The following PCCA variants were observed in gnomAD, a reference collection of about 807,000 sequenced individuals.
The protein encoded by PCCA is propionyl-CoA carboxylase subunit alpha, also known as propionyl-CoA carboxylase alpha chain, mitochondrial.
PCCA carries 74 observed loss-of-function variants against 101.3 expected under a neutral mutation model. The observed-to-expected ratio is 0.73, with a 90% CI of 0.61 to 0.89. PCCA has a LOEUF of 0.89. Ranked by LOEUF, PCCA falls within the 40% of genes least tolerant of loss-of-function variation. The pLI is 0.00. For synonymous variants in PCCA, 294 were observed against 313.6 expected (o/e 0.94, Z 0.66); for missense variants, 891 against 907.0 (o/e 0.98, Z 0.23).
rs1016791209 is a variant in PCCA at position 100,155,107 on chromosome 13, A to G, written c.414+15A>G. 2 of 1,470,366 alleles carry G rather than the reference A, an allele frequency of 1.4e-6. No individual in the cohort carries two copies. Among genetic ancestry groups the G allele is most frequent in the Admixed American group, 1.7e-5 (1 of 59,854 alleles). The allele number at this position is 1,470,366 out of a possible 1,614,324, so 91.1% of individuals were successfully genotyped here. On this transcript the variant is annotated intron_variant, in intron 5 of 23. Coordinates refer to ENST00000376285, the MANE Select transcript of PCCA (RefSeq NM_000282.4). Reference sequence around the variant, plus strand: ...GGGCCCAAGCTGTGAGTCTGAATGAATCTATCTACTGCAGCTGTTTCATAT... The same window carrying G: ...GGGCCCAAGCTGTGAGTCTGAATGAGTCTATCTACTGCAGCTGTTTCATAT...
intron 21 of PCCA, among the ~76,000 whole-genome samples, chr13:100,484,990 G>T (rs906467653): frequency 1.3e-5 from 2 of 152,046 alleles, no homozygotes; most frequent in African/African-American, 4.8e-5. Flanking sequence ...TTTCACACTG[G>T]TTTTGTCTTC....
intron 12 of PCCA, among the ~76,000 whole-genome samples, chr13:100,283,591 A>G (rs1476823199): frequency 6.6e-6 from 1 of 152,234 alleles, no homozygotes; most frequent in African/African-American, 2.4e-5. Flanking sequence ...ATATCAGGAG[A>G]AAGCTCGAAA....
chr13:100,368,854 GA>G (rs1208096305), intron 19 of PCCA, among the ~76,000 whole-genome samples: 30 of 152,314 alleles, frequency 2.0e-4, no homozygotes, highest in African/African-American at 7.2e-4. Flanking sequence ...TTGTTACAGA[GA>G]AGAGCATTTT....
intron 20 of PCCA, among the ~76,000 whole-genome samples, chr13:100,437,135 GT>G (rs2079992014): frequency 6.6e-6 from 1 of 152,068 alleles, no homozygotes; most frequent in African/African-American, 2.4e-5. Context: ...GCTATTCCTG[GT>G]TTTCTCTTTC....
intron 18 of PCCA, among the ~76,000 whole-genome samples, chr13:100,342,043 GCATAATTAGAGT>G (rs2071450562): frequency 7.0e-6 from 1 of 142,264 alleles, no homozygotes; most frequent in South Asian, 2.2e-4. Flanking sequence ...TTTATACTTT[GCATAATTAGAGT>G]CATAAACCTG....
At chr13:100,389,770 G>T (rs1332854365) in intron 19 of PCCA, among the ~76,000 whole-genome samples, 1 of 152,212 alleles carries the variant, frequency 6.6e-6, no homozygotes, top group Non-Finnish European at 1.5e-5. Context: ...AGGCAGGGAG[G>T]GGGAAACGAG....
chr13:100,226,386 C>T (rs780135995), intron 7 of PCCA, among the ~76,000 whole-genome samples: 26 of 152,132 alleles, frequency 1.7e-4, no homozygotes, highest in Non-Finnish European at 1.0e-4. Flanking sequence ...GCAGGATTCT[C>T]ATCCACAGAA....
intron 4 of PCCA, among the ~76,000 whole-genome samples, chr13:100,125,628 TA>T (rs2049882226): frequency 1.3e-5 from 2 of 152,258 alleles, no homozygotes; most frequent in African/African-American, 4.8e-5. Flanking sequence ...TATGCAAATT[TA>T]AAACAATAGA....
Position 100,349,559 on chromosome 13 carries a change from G to A in PCCA, c.1643+9300G>A, listed in dbSNP as rs539442931. Among the ~76,000 whole-genome samples, 111 of 152,300 alleles carry A rather than the reference G, an allele frequency of 7.3e-4. 1 individual carries two copies. Among genetic ancestry groups the A allele is most frequent in the African/African-American group, 2.4e-3 (98 of 41,570 alleles). The stretch of plus-strand genomic sequence containing the variant: ...ATTACAGGCATGAGCCACCACGCCC[G>A]GCCACTTTCTGGTTTCTACTTTATC... On this transcript the variant is annotated intron_variant, in intron 18 of 23. Transcript: ENST00000376285.
intron 19 of PCCA, among the ~76,000 whole-genome samples, chr13:100,420,294 CAGAT>C (rs1453293104): frequency 6.6e-6 from 1 of 152,166 alleles, no homozygotes; most frequent in Non-Finnish European, 1.5e-5. Flanking sequence ...TGTCTGAGGT[CAGAT>C]ATGGTGGCTC....
chr13:100,160,509 A>G (rs76172803), intron 6 of PCCA, among the ~76,000 whole-genome samples: 1 of 71,604 alleles, frequency 1.4e-5, no homozygotes, highest in Non-Finnish European at 3.2e-5. Context: ...TCTAAAAAAG[A>G]AAAAAAAAAA....
At chr13:100,379,017 G>A (rs572323520) in intron 19 of PCCA, among the ~76,000 whole-genome samples, 10 of 152,108 alleles carry the variant, frequency 6.6e-5, no homozygotes, top group Middle Eastern at 3.4e-3. Context: ...GTGTCCTTAC[G>A]TTGATATTTG....
At chr13:100,411,787 T>C (rs894589220) in intron 19 of PCCA, among the ~76,000 whole-genome samples, 6 of 152,156 alleles carry the variant, frequency 3.9e-5, no homozygotes, top group African/African-American at 1.2e-4. Flanking sequence ...GTGTCTCTTC[T>C]TATAAGGGCA....
At chr13:100,224,587 G>A (rs2060037526) in intron 7 of PCCA, among the ~76,000 whole-genome samples, 1 of 152,234 alleles carries the variant, frequency 6.6e-6, no homozygotes. Flanking sequence ...CTGCCAGCAC[G>A]CTGTCACCTC....
At chr13:100,382,032 A>G (rs2076257093) in intron 19 of PCCA, among the ~76,000 whole-genome samples, 1 of 152,224 alleles carries the variant, frequency 6.6e-6, no homozygotes, top group South Asian at 2.1e-4. Flanking sequence ...TTAAGTGTTA[A>G]CAGCTCAGTT....
intron 16 of PCCA, among the ~76,000 whole-genome samples, chr13:100,313,712 T>G (rs1029818413): frequency 6.6e-6 from 1 of 152,286 alleles, no homozygotes; most frequent in East Asian, 1.9e-4. Context: ...TAAATTCCTC[T>G]TATAGTTAGC....
chr13:100,289,576 T>C (rs1027705207), intron 12 of PCCA, among the ~76,000 whole-genome samples: 17 of 152,030 alleles, frequency 1.1e-4, no homozygotes, highest in African/African-American at 3.9e-4. Flanking sequence ...TTGTTTTCCA[T>C]TTTGTTTTTC....
chr13:100,174,744 A>G (rs1421579187), intron 6 of PCCA, among the ~76,000 whole-genome samples: 2 of 151,290 alleles, frequency 1.3e-5, no homozygotes, highest in Non-Finnish European at 2.9e-5. Flanking sequence ...AAAAAAAAGA[A>G]AAAAAAAGAA....
intron 21 of PCCA, among the ~76,000 whole-genome samples, chr13:100,510,961 T>C (rs2086435457): frequency 6.6e-6 from 1 of 152,238 alleles, no homozygotes; most frequent in Non-Finnish European, 1.5e-5. Context: ...TAGGCTTCAA[T>C]TCTGTGTATT....
Sources: gnomAD v4.1 joint callset for allele counts (sites outside exome capture counted in the v4.1 genomes callset) on GRCh38, gnomAD v4.1.1 for gene constraint, MANE v1.5 for transcripts, NCBI Gene and HGNC (gene_info 2026-07-23, HGNC 2026-07-21) for gene names.